Variants in CAMTA2 observed in about 807,000 individuals in gnomAD.
The protein encoded by CAMTA2 is calmodulin-binding transcription activator 2.
Under a neutral mutation model 135.7 loss-of-function variants are expected in CAMTA2, and 56 were observed. That is an observed-to-expected ratio of 0.41 (90% CI 0.33 to 0.52). The LOEUF is 0.52. CAMTA2 is among the 20% of genes least tolerant of loss of function. The pLI is 0.16. For synonymous variants in CAMTA2, 591 were observed against 604.6 expected (o/e 0.98, Z 0.33); for missense variants, 1,358 against 1,553.4 (o/e 0.87, Z 2.11).
At chr17:4,981,182 T>A (rs764054568) in intron 8 of CAMTA2, 43 bp downstream of exon 8, 1 of 1,604,466 alleles carries the variant, frequency 6.2e-7, no homozygotes, top group Non-Finnish European at 8.5e-7. Context: ...AAGAGCAGTG[T>A]GGCTAGGTGG....
At chr17:4,972,049 C>G (rs1166335543) in intron 16 of CAMTA2, among the ~76,000 whole-genome samples, 183 bp downstream of exon 16, 1 of 152,182 alleles carries the variant, frequency 6.6e-6, no homozygotes, top group Admixed American at 6.5e-5. Flanking sequence ...CCTCCGCTGC[C>G]TCATGACTTC....
chr17:4,970,444 G>A lies in CAMTA2; in HGVS notation c.2901C>T (p.Ala967=). The A allele has an allele frequency of 6.2e-7, 1 of 1,614,102 alleles. No individual in the cohort carries two copies. The highest frequency in any genetic ancestry group is 1.3e-5 in the African/African-American group (1 of 75,020). The change falls in exon 17 of 23, where the codon GCC becomes GCT. Residue 967 remains alanine, a synonymous_variant. Coordinates refer to ENST00000348066, the MANE Select transcript of CAMTA2 (RefSeq NM_015099.4). The part of the protein sequence containing the change: ...EDFVGLPEAG[A]SMRERTGAVG... ...CAGCCCCTGTCCGCTCCCGCATTGA[G>A]GCTCCAGCCTCGGGCAGCCCCACGA...
rs146555707 is a variant in CAMTA2, at chr17:4,975,105, G to A, written c.1901-605C>T. On this transcript the variant is annotated intron_variant, in intron 11 of 22. Transcript: ENST00000348066. ...CCCCGCCCCATATACAAATACGCACGTACACACATATCCCCCCAAGCTATA... is the reference window on the plus strand; with the variant it reads ...CCCCGCCCCATATACAAATACGCACATACACACATATCCCCCCAAGCTATA... Among the ~76,000 whole-genome samples, 268 of 152,028 alleles carry A rather than the reference G, an allele frequency of 1.8e-3. 1 individual carries two copies. The highest frequency in any genetic ancestry group is 6.2e-3 in the African/African-American group (257 of 41,444).
At chr17:4,973,141 G>T in intron 14 of CAMTA2, 34 bp downstream of exon 14, 1 of 1,584,128 alleles carries the variant, frequency 6.3e-7, no homozygotes, top group Non-Finnish European at 8.7e-7. Flanking sequence ...ATTGCTCCCT[G>T]CCCCATATGC....
At chr17:4,974,598 G>GA in intron 11 of CAMTA2, 98 bp from the exon 12 acceptor site, 1 of 742,750 alleles carries the variant, frequency 1.3e-6, no homozygotes, top group Non-Finnish European at 2.4e-6. Flanking sequence ...TGAGGACACA[G>GA]AACCATATTC....
Position 4,981,684 on chromosome 17 carries a change from G to T in CAMTA2, c.559C>A (p.Pro187Thr). The change falls in exon 7 of 23, where the codon CCC becomes ACC. Residue 187 changes from proline to threonine, a missense_variant. This residue lies in a region of CAMTA2 where 1,077 missense variants were observed against 1,127.5 expected (regional missense o/e 0.96). Transcript: ENST00000348066. ...CCCCACCCTGCTGCCTTACACATGG[G>T]CTTCAGCTGTCCCAACAACTCCTCC... ...SREELLGQLK[P>T]MFHGIKWSCG... 1 of 1,602,934 alleles carries T rather than the reference G, an allele frequency of 6.2e-7. No homozygotes were observed. Among genetic ancestry groups the T allele is most frequent in the South Asian group, 1.1e-5 (1 of 90,428 alleles).
rs758990976 is a variant in CAMTA2, at chr17:4,982,122, G to A, written c.378C>T (p.Pro126=). The A allele has an allele frequency of 5.0e-6, 8 of 1,613,126 alleles. No homozygotes were observed. In the East Asian group the frequency reaches 6.7e-5, roughly 13 times the overall value. Residue 126 remains proline, a synonymous_variant, in exon 6 of 23, where the codon CCC becomes CCT. Coordinates refer to ENST00000348066, the MANE Select transcript of CAMTA2 (RefSeq NM_015099.4). ...GCCAGTAGCAGCGCCGATGGAATGT[G>A]GGGACGATGGAAGAGTGAACGTAGC... is the stretch of plus-strand genomic sequence containing the variant. ...YGCYVHSSIV[P]TFHRRCYWLL... is the part of the protein sequence containing the mutation.
At chr17:4,985,620 C>T (rs1262218467) in intron 3 of CAMTA2, among the ~76,000 whole-genome samples, 1 of 152,140 alleles carries the variant, frequency 6.6e-6, no homozygotes, top group Non-Finnish European at 1.5e-5. Context: ...GACGGGGTTC[C>T]ACCATGTTTG....
chr17:4,982,715 G>A (rs750579675), intron 5 of CAMTA2, 42 bp downstream of exon 5: 13 of 1,610,434 alleles, frequency 8.1e-6, no homozygotes, highest in East Asian at 2.2e-5. Context: ...GGGTGGAGGA[G>A]GGCAGGCTCG....
intron 10 of CAMTA2, among the ~76,000 whole-genome samples, chr17:4,977,515 C>T (rs537319349): frequency 7.2e-5 from 11 of 152,330 alleles, no homozygotes; most frequent in Admixed American, 1.3e-4. Context: ...TCTTGATCCC[C>T]GGATCAGAGT....
At position 4,980,262 on chromosome 17, in the gene CAMTA2, T is replaced by C. The variant is rs143362209; in HGVS notation, c.1060A>G (p.Met354Val). ...GTGCCTACAACCACTGCCAAACTCA[T>C]GGAAGGCCTAGGATCAGCCTGTGGA... ...LAPQADPRPS[M>V]SLAVVVGTEP... Residue 354 changes from methionine (M) to valine (V), a missense_variant, in exon 9 of 23, where the codon ATG becomes GTG. Met to Val is a conservative substitution (Grantham distance 21, BLOSUM62 1). Transcript: ENST00000348066. The surrounding 1 kb of genome is among the most constrained non-coding windows in gnomAD (Gnocchi z 5.3). 1,695 of 1,593,798 alleles carry C rather than the reference T, an allele frequency of 1.1e-3. 2 individuals carry two copies. Among genetic ancestry groups the C allele is most frequent in the Non-Finnish European group, 1.3e-3 (1,550 of 1,168,076 alleles).
At position 4,980,617 on chromosome 17, in the gene CAMTA2, A is replaced by G; in HGVS notation, c.705T>C (p.Ser235=). The change falls in exon 9 of 23, where the codon TCT becomes TCC. Residue 235 remains serine, a synonymous_variant. Coordinates refer to ENST00000348066, the MANE Select transcript of CAMTA2 (RefSeq NM_015099.4). This position sits in a 1 kb window ranked among gnomAD's most constrained non-coding sequence, Gnocchi z 5.3. ...TGCTGCATTTGTGGGTAAGGCTCCC[A>G]GAACCTGGAGTGGAGAGGAGTAGGA... ...HACLCSGGLG[S]GSLTHKCSST... is the part of the protein sequence containing the mutation. The G allele has an allele frequency of 1.2e-6, 2 of 1,613,682 alleles. No homozygotes were observed. The highest frequency in any genetic ancestry group is 1.7e-6 in the Non-Finnish European group (2 of 1,179,692).
Position 4,982,763 on chromosome 17 carries a change from G to A in CAMTA2, c.333C>T (p.Gly111=). The change falls in exon 5 of 23, where the codon GGC becomes GGT. Residue 111 remains glycine (G), a synonymous_variant. Transcript: ENST00000348066. The part of the protein sequence containing the change: ...REDHMKLKVQ[G]MECLYGCYVH... ...GAATATCTGACTCTCTTACCTCCAT[G>A]CCCTGGACCTTCAGCTTCATGTGGT... 1 of 1,614,020 alleles carries A rather than the reference G, an allele frequency of 6.2e-7. No homozygotes were observed. Among genetic ancestry groups the A allele is most frequent in the Non-Finnish European group, 8.5e-7 (1 of 1,179,910 alleles).
In CAMTA2 at chr17:4,973,563, T is replaced by G. The variant is rs533625755; in HGVS notation, c.2201+22A>C. ...TTCTGTCCCAGAGGCTGCCCAGCCCTCACCCAGCTGCCCTTGCTCACCGCC... is the reference window on the plus strand; with the variant it reads ...TTCTGTCCCAGAGGCTGCCCAGCCCGCACCCAGCTGCCCTTGCTCACCGCC... On this transcript the variant is annotated intron_variant, in intron 13 of 22. Transcript: ENST00000348066. 1.1e-4 allele frequency: 172 copies of G among 1,600,410 alleles called. 1 individual carries two copies. The South Asian group carries it at 1.7e-3, about 16-fold the overall frequency.
chr17:4,974,345 T>A (rs960756420), intron 12 of CAMTA2, 40 bp downstream of exon 12: 4 of 1,299,410 alleles, frequency 3.1e-6, no homozygotes, highest in Non-Finnish European at 4.5e-6. Context: ...GTCCTCCCCC[T>A]GCTCCCCACC....
chr17:4,982,307 T>C, intron 5 of CAMTA2, 147 bp from the exon 6 acceptor site: 1 of 651,928 alleles, frequency 1.5e-6, no homozygotes, highest in Non-Finnish European at 2.8e-6. Context: ...CCCCACCCCT[T>C]TTGAATCCCA....
chr17:4,970,516 G>A lies in CAMTA2; in HGVS notation c.2829C>T (p.Ala943=), dbSNP rs374249939. 3.5e-5 allele frequency: 57 copies of A among 1,611,628 alleles called. No individual in the cohort carries two copies. In the African/African-American group the frequency reaches 7.1e-4, roughly 20 times the overall value. The change falls in exon 17 of 23, where the codon GCC becomes GCT. Residue 943 remains alanine, a synonymous_variant. Coordinates refer to ENST00000348066, the MANE Select transcript of CAMTA2 (RefSeq NM_015099.4). ...DVIPVDMISL[A]KQIIEATPER... ...CCGGTGTGGCTTCGATGATCTGCTT[G>A]GCTAGTGAGATCATGTCCACCTGGA...
chr17:4,979,508 C>CAA (rs5819002), intron 9 of CAMTA2, 176 bp downstream of exon 9: 25,716 of 203,390 alleles, frequency 0.13, 1,900 homozygotes, highest in African/African-American at 0.28. Flanking sequence ...GAAACTGTCT[C>CAA]AAAAAAAAAA....
chr17:4,969,703 T>C lies in CAMTA2; in HGVS notation c.3190-2A>G. 6.2e-7 allele frequency: 1 copy of C among 1,613,860 alleles called. No individual in the cohort carries two copies. The highest frequency in any genetic ancestry group is 8.5e-7 in the Non-Finnish European group (1 of 1,180,016). On this transcript the variant is annotated splice_acceptor_variant, in intron 18 of 22. Coordinates refer to ENST00000348066, the MANE Select transcript of CAMTA2 (RefSeq NM_015099.4). LOFTEE classifies it high-confidence loss of function. This position sits in a 1 kb window ranked among gnomAD's most constrained non-coding sequence, Gnocchi z 5.6. ...CTGCTGCTCCTTCAGCCGCCGGCCCTGAAGGGAGAGAAGTCTCACCACCTC... is the reference window on the plus strand; with the variant it reads ...CTGCTGCTCCTTCAGCCGCCGGCCCCGAAGGGAGAGAAGTCTCACCACCTC...
Sources: gnomAD v4.1 joint callset for allele counts (sites outside exome capture counted in the v4.1 genomes callset) on GRCh38, gnomAD v4.1.1 for gene constraint, gnomAD v4.1.1 regional missense constraint, Gnocchi (gnomAD v3.1) non-coding constraint, MANE v1.5 for transcripts, NCBI Gene and HGNC (gene_info 2026-07-23, HGNC 2026-07-21) for gene names.